Variants in GMDS observed in about 807,000 individuals in gnomAD.
GMDS encodes GDP-mannose 4,6-dehydratase.
In GMDS, 20 loss-of-function variants were observed where a neutral mutation model predicts 49.9. The ratio of observed to expected loss-of-function variants is 0.40; its 90% CI spans 0.28 to 0.58. The LOEUF is 0.58. Ranked by LOEUF, GMDS falls within the 20% of genes least tolerant of loss-of-function variation. GMDS has a pLI of 0.42. For missense variants in GMDS, 362 were observed against 481.4 expected, an observed-to-expected ratio of 0.75 and a Z score of 2.32; for synonymous variants, 177 against 178.6, an observed-to-expected ratio of 0.99 and a Z score of 0.07.
At chr6:1,976,775 A>G (rs1202847906) in intron 4 of GMDS, among the ~76,000 whole-genome samples, 1 of 152,238 alleles carries the variant, frequency 6.6e-6, no homozygotes, top group Non-Finnish European at 1.5e-5. Context: ...TATTCACCAC[A>G]TAGTTTCCAA....
chr6:1,632,054 T>G (rs1205207528), intron 9 of GMDS, among the ~76,000 whole-genome samples: 1 of 152,190 alleles, frequency 6.6e-6, no homozygotes, highest in African/African-American at 2.4e-5. Flanking sequence ...CATTCCTTCT[T>G]TACATCTTCA....
At chr6:1,916,745 T>G (rs1260567681) in intron 7 of GMDS, among the ~76,000 whole-genome samples, 1 of 152,164 alleles carries the variant, frequency 6.6e-6, no homozygotes, top group East Asian at 1.9e-4. Flanking sequence ...AATAGATGAC[T>G]CATTAGCCAG....
At chr6:2,001,403 A>C (rs1196036193) in intron 4 of GMDS, among the ~76,000 whole-genome samples, 1 of 152,156 alleles carries the variant, frequency 6.6e-6, no homozygotes, top group Non-Finnish European at 1.5e-5. Context: ...TATCAGATAC[A>C]TGATTTGCAA....
At chr6:2,054,387 G>A (rs912364655) in intron 4 of GMDS, among the ~76,000 whole-genome samples, 1 of 152,030 alleles carries the variant, frequency 6.6e-6, no homozygotes, top group African/African-American at 2.4e-5. Context: ...ATTCTGGAAG[G>A]GAAGTGACAC....
intron 7 of GMDS, among the ~76,000 whole-genome samples, chr6:1,832,966 G>C (rs1289995636): frequency 6.6e-6 from 1 of 151,990 alleles, no homozygotes; most frequent in Admixed American, 6.6e-5. Context: ...CAGGCCACAC[G>C]AGGAAGGAAG....
At chr6:1,721,598 A>G (rs1219569315) in intron 9 of GMDS, among the ~76,000 whole-genome samples, 1 of 152,130 alleles carries the variant, frequency 6.6e-6, no homozygotes, top group Non-Finnish European at 1.5e-5. Context: ...CTGCAGAAAA[A>G]AAAGGGACTT....
In GMDS at chr6:2,245,448, G is replaced by T; in HGVS notation, c.-26C>A. 1.4e-6 allele frequency: 2 copies of T among 1,386,710 alleles called. No individual in the cohort carries two copies. Among genetic ancestry groups the T allele is most frequent in the Non-Finnish European group, 9.4e-7 (1 of 1,065,304 alleles). The allele number at this position is 1,386,710 out of a possible 1,614,324, so 85.9% of individuals were successfully genotyped here. On this transcript the variant is annotated 5_prime_UTR_variant, in exon 1 of 11. Transcript: ENST00000380815. ...GTCCCGCGGCGGGCGTGCGGTCGGCGGCAGGGCGGAGCGCGGCAGAGGGCA... is the reference window on the plus strand; with the variant it reads ...GTCCCGCGGCGGGCGTGCGGTCGGCTGCAGGGCGGAGCGCGGCAGAGGGCA...
intron 1 of GMDS, among the ~76,000 whole-genome samples, chr6:2,167,504 C>T (rs78677199): frequency 2.1e-3 from 316 of 152,268 alleles, no homozygotes; most frequent in African/African-American, 7.3e-3. Flanking sequence ...AATGATCTTT[C>T]AAAATTCAAA....
intron 7 of GMDS, among the ~76,000 whole-genome samples, chr6:1,786,845 GGAAAA>G (rs1769343736): frequency 6.6e-6 from 1 of 151,906 alleles, no homozygotes; most frequent in Non-Finnish European, 1.5e-5. Context: ...TGATTACAGT[GGAAAA>G]GAAAAGAACA....
At chr6:1,874,245 T>C (rs1057004548) in intron 7 of GMDS, among the ~76,000 whole-genome samples, 3 of 152,212 alleles carry the variant, frequency 2.0e-5, no homozygotes, top group African/African-American at 7.2e-5. Flanking sequence ...AATGTTAGGC[T>C]GGTAGAAAGA....
At chr6:1,933,566 G>A (rs1762391120) in intron 6 of GMDS, among the ~76,000 whole-genome samples, 1 of 152,164 alleles carries the variant, frequency 6.6e-6, no homozygotes, top group African/African-American at 2.4e-5. Context: ...ATGCTAGTTG[G>A]CACCGAGTGG....
At chr6:1,681,336 A>G (rs1000409224) in intron 9 of GMDS, among the ~76,000 whole-genome samples, 1 of 152,140 alleles carries the variant, frequency 6.6e-6, no homozygotes, top group Non-Finnish European at 1.5e-5. Context: ...CTTACTACAG[A>G]TTCTGTTACA....
intron 7 of GMDS, among the ~76,000 whole-genome samples, chr6:1,929,220 A>G (rs1268396280): frequency 6.6e-6 from 1 of 152,216 alleles, no homozygotes; most frequent in African/African-American, 2.4e-5. Context: ...TAAATGAACA[A>G]GAAAGCTGGG....
intron 7 of GMDS, among the ~76,000 whole-genome samples, chr6:1,865,163 C>T (rs554334833): frequency 6.6e-6 from 1 of 152,308 alleles, no homozygotes; most frequent in African/African-American, 2.4e-5. Context: ...AAACTGCTTT[C>T]TGTAAGAAAT....
intron 4 of GMDS, among the ~76,000 whole-genome samples, chr6:2,076,915 T>A (rs998055928): frequency 4.6e-5 from 7 of 152,222 alleles, no homozygotes; most frequent in Admixed American, 3.9e-4. Flanking sequence ...ACAAATGCTA[T>A]AAATTCTTTT....
chr6:1,706,291 A>G (rs1270425518), intron 9 of GMDS, among the ~76,000 whole-genome samples: 1 of 152,204 alleles, frequency 6.6e-6, no homozygotes, highest in Non-Finnish European at 1.5e-5. Flanking sequence ...CAGGAATACA[A>G]GAAGTAAGCC....
At chr6:2,036,827 T>TGCATGGTAA (rs982967157) in intron 4 of GMDS, among the ~76,000 whole-genome samples, 4 of 152,208 alleles carry the variant, frequency 2.6e-5, no homozygotes, top group African/African-American at 9.6e-5. Context: ...CTGTGAAATC[T>TGCATGGTAA]GCATGGTAAG....
chr6:1,751,709 G>A (rs189429171), intron 7 of GMDS, among the ~76,000 whole-genome samples: 1 of 152,256 alleles, frequency 6.6e-6, no homozygotes, highest in Admixed American at 6.5e-5. Context: ...GGCCAGGATG[G>A]TCTTGATCTC....
chr6:1,796,742 CTT>C (rs970906831), intron 7 of GMDS, among the ~76,000 whole-genome samples: 3 of 152,168 alleles, frequency 2.0e-5, no homozygotes, highest in African/African-American at 7.2e-5. Context: ...CAAATGCTCA[CTT>C]TGTTTTAGTA....
Sources: gnomAD v4.1 joint callset for allele counts (sites outside exome capture counted in the v4.1 genomes callset) on GRCh38, gnomAD v4.1.1 for gene constraint, MANE v1.5 for transcripts, NCBI Gene and HGNC (gene_info 2026-07-23, HGNC 2026-07-21) for gene names.